CDH18: variants seen among roughly 807,000 people sequenced by gnomAD.
The protein encoded by CDH18 is cadherin 18, also known as cadherin-18.
In CDH18, 31 loss-of-function variants were observed where a neutral mutation model predicts 67.9. The ratio of observed to expected loss-of-function variants is 0.46; its 90% CI spans 0.34 to 0.62. The LOEUF (loss-of-function observed/expected upper bound fraction) is 0.62, where lower values mean the gene tolerates loss of function less well. Among genes scored for constraint, CDH18 ranks in the 20% least tolerant of loss-of-function variants. CDH18 has a pLI of 0.01. For synonymous variants in CDH18, 362 were observed against 347.2 expected (o/e 1.04, Z -0.48); for missense variants, 890 against 975.5 (o/e 0.91, Z 1.17).
chr5:20,174,039 T>C (rs917751785), intron 2 of CDH18, among the ~76,000 whole-genome samples: 3 of 152,172 alleles, frequency 2.0e-5, no homozygotes, highest in Non-Finnish European at 4.4e-5. Context: ...ATAGAATTTA[T>C]TTTAAAAGTA....
At chr5:20,000,223 T>C (rs1247682385) in intron 2 of CDH18, among the ~76,000 whole-genome samples, 1 of 152,212 alleles carries the variant, frequency 6.6e-6, no homozygotes, top group African/African-American at 2.4e-5. Flanking sequence ...AGATTTTTAA[T>C]AGATTACTAA....
intron 2 of CDH18, among the ~76,000 whole-genome samples, chr5:20,243,040 T>C (rs911925445): frequency 1.2e-4 from 19 of 152,158 alleles, no homozygotes; most frequent in Non-Finnish European, 1.3e-4. Flanking sequence ...ATTGGGCAAG[T>C]AAGTAGATAT....
intron 2 of CDH18, among the ~76,000 whole-genome samples, chr5:19,896,325 G>A (rs1789335040): frequency 6.6e-6 from 1 of 151,760 alleles, no homozygotes; most frequent in African/African-American, 2.4e-5. Flanking sequence ...CTCGAGCCTG[G>A]GCAACAAGAG....
intron 1 of CDH18, among the ~76,000 whole-genome samples, chr5:20,566,912 T>C (rs1338960185): frequency 6.6e-6 from 1 of 152,206 alleles, no homozygotes; most frequent in African/African-American, 2.4e-5. Context: ...GGAAAAGCGA[T>C]TGCATACTAT....
intron 4 of CDH18, 58 bp from the exon 5 acceptor site, chr5:19,721,524 T>G: frequency 6.5e-7 from 1 of 1,538,906 alleles, no homozygotes; most frequent in South Asian, 1.2e-5. Context: ...ATGATTAATT[T>G]GAACACAGAA....
intron 1 of CDH18, among the ~76,000 whole-genome samples, chr5:20,368,668 C>T (rs539824069): frequency 1.3e-5 from 2 of 152,192 alleles, no homozygotes; most frequent in Admixed American, 1.3e-4. Flanking sequence ...TAAATTTTAG[C>T]TTTCAAATCT....
At chr5:19,784,568 C>T (rs1313359335) in intron 3 of CDH18, among the ~76,000 whole-genome samples, 1 of 152,082 alleles carries the variant, frequency 6.6e-6, no homozygotes, top group Admixed American at 6.6e-5. Context: ...TGCATTCATT[C>T]TTGTGTACAT....
chr5:20,140,755 GT>G (rs1480975864), intron 2 of CDH18, among the ~76,000 whole-genome samples: 1 of 151,996 alleles, frequency 6.6e-6, no homozygotes, highest in Non-Finnish European at 1.5e-5. Flanking sequence ...GAACTGATGC[GT>G]TTTGGCCTCT....
intron 5 of CDH18, among the ~76,000 whole-genome samples, chr5:19,669,481 G>C (rs1318358624): frequency 6.6e-6 from 1 of 151,602 alleles, no homozygotes; most frequent in Non-Finnish European, 1.5e-5. Context: ...AGCAGAGACG[G>C]GGTTTCTCCA....
chr5:20,419,363 T>C (rs1747634787), intron 1 of CDH18, among the ~76,000 whole-genome samples: 1 of 151,150 alleles, frequency 6.6e-6, no homozygotes. Flanking sequence ...CCAACCATGC[T>C]GGCTCCACGG....
chr5:19,934,388 T>A (rs1331981889), intron 2 of CDH18, among the ~76,000 whole-genome samples: 1 of 151,296 alleles, frequency 6.6e-6, no homozygotes, highest in East Asian at 1.9e-4. Flanking sequence ...TTAGGGATAA[T>A]GACAACCCAG....
chr5:19,949,880 T>G lies in CDH18; in HGVS notation c.-257+31180A>C, dbSNP rs553619654. On this transcript the variant is annotated intron_variant, in intron 2 of 12. Transcript: ENST00000382275. ...AGAAGTCATTATGTGAAAAAGACACTTGCATGCGTGTGTTTAAAGCAGCAC... is the reference window on the plus strand; with the variant it reads ...AGAAGTCATTATGTGAAAAAGACACGTGCATGCGTGTGTTTAAAGCAGCAC... 3.9e-5 allele frequency among the ~76,000 whole-genome samples: 6 copies of G among 151,948 alleles called. No individual in the cohort carries two copies. The South Asian group carries it at 1.2e-3, about 32-fold the overall frequency.
intron 2 of CDH18, among the ~76,000 whole-genome samples, chr5:19,886,613 T>C (rs1788237142): frequency 6.6e-6 from 1 of 152,212 alleles, no homozygotes; most frequent in African/African-American, 2.4e-5. Context: ...AATGTATCTT[T>C]TATTGTAATA....
intron 2 of CDH18, among the ~76,000 whole-genome samples, chr5:20,088,798 G>C (rs1745188207): frequency 6.6e-6 from 1 of 152,078 alleles, no homozygotes; most frequent in Non-Finnish European, 1.5e-5. Flanking sequence ...CATGAACAAG[G>C]AACATTCAAG....
intron 2 of CDH18, among the ~76,000 whole-genome samples, chr5:20,072,543 T>C (rs1743570231): frequency 6.6e-6 from 1 of 151,918 alleles, no homozygotes; most frequent in African/African-American, 2.4e-5. Flanking sequence ...GGGGAGGTGA[T>C]GCTATAAATC....
intron 3 of CDH18, among the ~76,000 whole-genome samples, chr5:19,816,321 A>G (rs139703025): frequency 8.8e-4 from 133 of 151,972 alleles, no homozygotes; most frequent in East Asian, 2.3e-3. Flanking sequence ...CTTAAGAAAG[A>G]CTGTTTAGTC....
intron 3 of CDH18, among the ~76,000 whole-genome samples, chr5:19,788,125 C>A (rs1330366792): frequency 2.0e-5 from 3 of 151,982 alleles, no homozygotes; most frequent in South Asian, 2.1e-4. Flanking sequence ...TGTGAATAAG[C>A]AGCTGAAAAA....
intron 1 of CDH18, among the ~76,000 whole-genome samples, chr5:20,278,447 T>A (rs1041512373): frequency 6.6e-6 from 1 of 151,778 alleles, no homozygotes; most frequent in Non-Finnish European, 1.5e-5. Context: ...ATACAATCTT[T>A]CCCAGACAAA....
At chr5:20,221,129 G>A (rs1399791443) in intron 2 of CDH18, among the ~76,000 whole-genome samples, 1 of 152,018 alleles carries the variant, frequency 6.6e-6, no homozygotes, top group Non-Finnish European at 1.5e-5. Context: ...CTAGAGAAAG[G>A]AGATTAGGAT....
Sources: allele counts gnomAD v4.1 joint callset (sites outside exome capture counted in the v4.1 genomes callset), GRCh38; gene constraint gnomAD v4.1.1; transcripts MANE v1.5; gene names NCBI Gene and HGNC (gene_info 2026-07-23, HGNC 2026-07-21).